The following OR4N2 variants were observed in gnomAD, a reference collection of about 807,000 sequenced individuals.
The protein encoded by OR4N2 is olfactory receptor 4N2.
For synonymous variants in OR4N2, 141 were observed against 140.4 expected (o/e 1.00, Z -0.03); for missense variants, 307 against 377.6 (o/e 0.81, Z 1.55).
chr14:19,805,604 C>G (rs562857965), intron 1 of OR4N2, among the ~76,000 whole-genome samples: 5 of 152,166 alleles, frequency 3.3e-5, no homozygotes, highest in African/African-American at 4.8e-5. Flanking sequence ...GAGACCAAAT[C>G]TACAACTCAT....
At chr14:19,813,877 A>C (rs1370549175) in intron 1 of OR4N2, among the ~76,000 whole-genome samples, 1 of 141,284 alleles carries the variant, frequency 7.1e-6, no homozygotes, top group East Asian at 2.0e-4. Context: ...CTATCTTTCC[A>C]TTTATGTCTC....
At chr14:19,806,749 A>G (rs1053076133) in intron 1 of OR4N2, among the ~76,000 whole-genome samples, 2 of 152,192 alleles carry the variant, frequency 1.3e-5, no homozygotes, top group African/African-American at 4.8e-5. Flanking sequence ...CCCAACAACC[A>G]TGGAATATTC....
At chr14:19,817,951 T>C (rs1197053031) in intron 1 of OR4N2, among the ~76,000 whole-genome samples, 2 of 152,254 alleles carry the variant, frequency 1.3e-5, no homozygotes, top group Non-Finnish European at 2.9e-5. Context: ...ATTTACCCAG[T>C]AGTCATTCAG....
At chr14:19,815,643 A>AG (rs1291095411) in intron 1 of OR4N2, among the ~76,000 whole-genome samples, 3,143 of 146,232 alleles carry the variant, frequency 0.021, 30 homozygotes, top group African/African-American at 0.071. Flanking sequence ...CTCTGATGAG[A>AG]GGTTTTTTTT....
At chr14:19,813,999 T>C (rs1423562633) in intron 1 of OR4N2, among the ~76,000 whole-genome samples, 1 of 152,088 alleles carries the variant, frequency 6.6e-6, no homozygotes, top group Non-Finnish European at 1.5e-5. Context: ...TCTTACACTT[T>C]GTTTTTGAAA....
Position 19,813,660 on chromosome 14 carries a change from A to G in OR4N2, c.-10+9816A>G, listed in dbSNP as rs542354999. Among the ~76,000 whole-genome samples the G allele has an allele frequency of 7.2e-5, 11 of 152,342 alleles. No individual in the cohort carries two copies. In the South Asian group the frequency reaches 2.3e-3, roughly 32 times the overall value. Reference sequence around the variant, plus strand: ...GAGTTGCACAATGAGTTTAGAATACATGCATTCCAGAGATGTATAGAAATT... The same window carrying G: ...GAGTTGCACAATGAGTTTAGAATACGTGCATTCCAGAGATGTATAGAAATT... On this transcript the variant is annotated intron_variant, in intron 1 of 1. Transcript: ENST00000557677.
chr14:19,809,538 A>C (rs1185340377), intron 1 of OR4N2, among the ~76,000 whole-genome samples: 1 of 152,108 alleles, frequency 6.6e-6, no homozygotes, highest in Admixed American at 6.5e-5. Context: ...AAAATGGGCA[A>C]ATAAGGCAAT....
intron 1 of OR4N2, among the ~76,000 whole-genome samples, chr14:19,812,503 TGTTTG>T (rs1566463774): frequency 2.4e-5 from 3 of 122,742 alleles, no homozygotes; most frequent in East Asian, 3.1e-4. Flanking sequence ...ATAATTTTTT[TGTTTG>T]TTTGTTTGTT....
intron 1 of OR4N2, among the ~76,000 whole-genome samples, chr14:19,812,309 T>G: frequency 1.6e-5 from 2 of 126,818 alleles, no homozygotes; most frequent in South Asian, 4.9e-4. Context: ...TTTCTTTTTT[T>G]TTTTCTTTTC....
chr14:19,810,220 C>T (rs1879262633), intron 1 of OR4N2, among the ~76,000 whole-genome samples: 1 of 152,158 alleles, frequency 6.6e-6, no homozygotes, highest in Non-Finnish European at 1.5e-5. Flanking sequence ...CTACATGCAG[C>T]CAAGAAGCAT....
intron 1 of OR4N2, among the ~76,000 whole-genome samples, chr14:19,815,103 G>A (rs1879391990): frequency 6.6e-6 from 1 of 152,232 alleles, no homozygotes; most frequent in African/African-American, 2.4e-5. Context: ...CCAAGTCTTT[G>A]CTATTGTGAA....
chr14:19,828,028 G>C lies in OR4N2; in HGVS notation c.580G>C (p.Val194Leu), dbSNP rs1245629047. 6.2e-7 allele frequency: 1 copy of C among 1,614,112 alleles called. No individual in the cohort carries two copies. Among genetic ancestry groups the C allele is most frequent in the African/African-American group, 1.3e-5 (1 of 74,942 alleles). Reference protein sequence around the residue: ...VIKLACTDTFVVELLMVFNSG... With the variant: ...VIKLACTDTFLVELLMVFNSG... ...CAAGCTGGCCTGCACCGACACATTT[G>C]TGGTGGAGCTTCTGATGGTCTTCAA... Residue 194 changes from valine (V) to leucine (L), a missense_variant, in exon 2 of 2, where the codon GTG (valine) becomes CTG (leucine). Coordinates refer to ENST00000557677, the MANE Select transcript of OR4N2 (RefSeq NM_001004723.3).
At chr14:19,810,701 A>G (rs1351065636) in intron 1 of OR4N2, among the ~76,000 whole-genome samples, 1 of 152,262 alleles carries the variant, frequency 6.6e-6, no homozygotes, top group African/African-American at 2.4e-5. Context: ...GTCAAAATTA[A>G]TGAAATATAA....
intron 1 of OR4N2, among the ~76,000 whole-genome samples, chr14:19,818,019 A>C (rs1237886737): frequency 6.6e-6 from 1 of 152,244 alleles, no homozygotes; most frequent in East Asian, 1.9e-4. Flanking sequence ...CTTAATCCTG[A>C]GTTCTAATTT....
chr14:19,805,658 AAT>A (rs1879146602), intron 1 of OR4N2, among the ~76,000 whole-genome samples: 1 of 152,180 alleles, frequency 6.6e-6, no homozygotes, highest in Non-Finnish European at 1.5e-5. Flanking sequence ...CAACTCGGAA[AAT>A]AAATTCGAAT....
rs147419003 is a variant in OR4N2 at position 19,814,384 on chromosome 14, A to G, written c.-10+10540A>G. Among the ~76,000 whole-genome samples, 887 of 152,252 alleles carry G rather than the reference A, an allele frequency of 5.8e-3. 4 individuals carry two copies. The highest frequency in any genetic ancestry group is 0.019 in the African/African-American group (801 of 41,486). On this transcript the variant is annotated intron_variant, in intron 1 of 1. Coordinates refer to ENST00000557677, the MANE Select transcript of OR4N2 (RefSeq NM_001004723.3). Reference sequence around the variant, plus strand: ...GAAACTATTTTCTCTAAGAATAATTATGCAACAGTATTCATGAGCTTTTTA... The same window carrying G: ...GAAACTATTTTCTCTAAGAATAATTGTGCAACAGTATTCATGAGCTTTTTA...
rs1686559 is a variant in OR4N2 at position 19,803,820 on chromosome 14, T to C, written c.-34T>C. On this transcript the variant is annotated 5_prime_UTR_variant, in exon 1 of 2. Transcript: ENST00000557677. ...GCATCTGGTAGAACTCAGCTGTGAA[T>C]TCCTGTGATCCTGGGCTTTTTCTGG... 0.083 allele frequency: 12,452 copies of C among 149,648 alleles called. 103 individuals are homozygous for C. Among genetic ancestry groups the C allele is most frequent in the East Asian group, 0.18 (901 of 5,030 alleles). The allele number at this position is 149,648 out of a possible 1,614,324, so 9.3% of individuals were successfully genotyped here. A position where few individuals can be genotyped will look rare whatever the true frequency, so the allele number is the denominator to read the frequency against.
At chr14:19,808,603 A>G (rs1246505378) in intron 1 of OR4N2, among the ~76,000 whole-genome samples, 2 of 152,218 alleles carry the variant, frequency 1.3e-5, no homozygotes, top group African/African-American at 4.8e-5. Context: ...AAAATTCCAT[A>G]CTAATAGATT....
chr14:19,810,262 G>A (rs1384842364), intron 1 of OR4N2, among the ~76,000 whole-genome samples: 2 of 152,226 alleles, frequency 1.3e-5, no homozygotes, highest in Non-Finnish European at 2.9e-5. Flanking sequence ...CTAATCATTA[G>A]ATAAATGCAC....
Sources: gnomAD v4.1 joint callset for allele counts (sites outside exome capture counted in the v4.1 genomes callset) on GRCh38, gnomAD v4.1.1 for gene constraint, MANE v1.5 for transcripts, NCBI Gene and HGNC (gene_info 2026-07-23, HGNC 2026-07-21) for gene names.